The following SESTD1 variants were observed in gnomAD, a reference collection of about 807,000 sequenced individuals.
SESTD1 encodes SEC14 domain and spectrin repeat-containing protein 1.
A neutral mutation model predicts 101.7 loss-of-function variants in SESTD1; 43 were observed. The observed-to-expected ratio is 0.42, with a 90% CI of 0.33 to 0.55. The LOEUF is 0.55. Among genes scored for constraint, SESTD1 ranks in the 20% least tolerant of loss-of-function variants. The pLI is 0.07. For missense variants in SESTD1, 647 were observed against 815.1 expected, an observed-to-expected ratio of 0.79 and a Z score of 2.51; for synonymous variants, 283 against 286.8, an observed-to-expected ratio of 0.99 and a Z score of 0.13.
chr2:179,178,869 T>C (rs2046058671), intron 3 of SESTD1, among the ~76,000 whole-genome samples: 1 of 152,248 alleles, frequency 6.6e-6, no homozygotes, highest in Non-Finnish European at 1.5e-5. Flanking sequence ...AATACATTTA[T>C]ATTTCAAAGC....
chr2:179,116,301 C>G (rs1408232770), intron 15 of SESTD1, among the ~76,000 whole-genome samples: 1 of 145,730 alleles, frequency 6.9e-6, no homozygotes, highest in East Asian at 1.9e-4. Context: ...CACTTTTCAC[C>G]ACAAAAAAGT....
At chr2:179,241,074 A>G (rs2047145951) in intron 1 of SESTD1, among the ~76,000 whole-genome samples, 1 of 152,184 alleles carries the variant, frequency 6.6e-6, no homozygotes, top group African/African-American at 2.4e-5. Context: ...TACAATAATT[A>G]AATAAAAGTG....
intron 5 of SESTD1, among the ~76,000 whole-genome samples, chr2:179,171,482 T>A (rs571346176): frequency 6.6e-6 from 1 of 152,300 alleles, no homozygotes; most frequent in African/African-American, 2.4e-5. Context: ...GAGTTAGTCT[T>A]TGTATTCTTC....
intron 10 of SESTD1, among the ~76,000 whole-genome samples, chr2:179,127,573 A>G (rs2044904324): frequency 1.3e-5 from 2 of 152,334 alleles, no homozygotes; most frequent in Middle Eastern, 6.8e-3. Flanking sequence ...TTGGGTTATC[A>G]CAACTGAGGA....
intron 1 of SESTD1, among the ~76,000 whole-genome samples, chr2:179,208,889 T>C (rs2046619384): frequency 7.4e-6 from 1 of 134,852 alleles, no homozygotes; most frequent in Non-Finnish European, 1.6e-5. Context: ...TAATGTTGAA[T>C]ATAAATGGCC....
At chr2:179,154,080 CAAAA>C (rs748598701) in intron 5 of SESTD1, among the ~76,000 whole-genome samples, 1 of 60,748 alleles carries the variant, frequency 1.6e-5, no homozygotes. Context: ...CCAATCTCTA[CAAAA>C]AAAAAAAAAA....
chr2:179,202,062 T>C (rs1457076729), intron 1 of SESTD1, among the ~76,000 whole-genome samples: 1 of 132,602 alleles, frequency 7.5e-6, no homozygotes, highest in Non-Finnish European at 1.6e-5. Context: ...AAAGGAATTT[T>C]GTATGTGATT....
chr2:179,180,385 T>C (rs2046087643), intron 3 of SESTD1, among the ~76,000 whole-genome samples: 1 of 152,170 alleles, frequency 6.6e-6, no homozygotes. Flanking sequence ...CTTAGCTAGC[T>C]ACACTGCTGG....
chr2:179,221,776 G>A (rs879787421), intron 1 of SESTD1, among the ~76,000 whole-genome samples: 5 of 151,724 alleles, frequency 3.3e-5, no homozygotes, highest in Non-Finnish European at 5.9e-5. Context: ...AAATTAGCCA[G>A]GCATGGTGGT....
intron 1 of SESTD1, among the ~76,000 whole-genome samples, chr2:179,238,312 A>T (rs1373948463): frequency 6.6e-6 from 1 of 152,174 alleles, no homozygotes; most frequent in African/African-American, 2.4e-5. Context: ...TTGTTCAAGG[A>T]TCAACTGTAC....
intron 10 of SESTD1, among the ~76,000 whole-genome samples, chr2:179,131,292 A>G (rs554605063): frequency 6.6e-6 from 1 of 152,344 alleles, no homozygotes; most frequent in African/African-American, 2.4e-5. Context: ...AAATTCTAGT[A>G]AAGATGAGAT....
chr2:179,126,833 A>C (rs2044884981), intron 10 of SESTD1, among the ~76,000 whole-genome samples: 1 of 152,020 alleles, frequency 6.6e-6, no homozygotes, highest in Non-Finnish European at 1.5e-5. Flanking sequence ...CTGCCTTAGT[A>C]GCTGCTAAGG....
At chr2:179,141,001 A>C (rs2105438417) in intron 9 of SESTD1, among the ~76,000 whole-genome samples, 1 of 152,276 alleles carries the variant, frequency 6.6e-6, no homozygotes, top group South Asian at 2.1e-4. Flanking sequence ...TTCAGTTTAA[A>C]GCACTCTTCT....
intron 1 of SESTD1, among the ~76,000 whole-genome samples, chr2:179,242,365 A>G (rs1033661821): frequency 1.3e-5 from 2 of 152,208 alleles, no homozygotes; most frequent in African/African-American, 4.8e-5. Context: ...GGAAGAATCA[A>G]CATCATTAAA....
chr2:179,138,766 G>A (rs1347315926), intron 9 of SESTD1, among the ~76,000 whole-genome samples: 1 of 151,074 alleles, frequency 6.6e-6, no homozygotes, highest in Non-Finnish European at 1.5e-5. Flanking sequence ...AGCTACTCAG[G>A]AGGCTGAGGT....
chr2:179,123,664 T>C, intron 12 of SESTD1, 51 bp downstream of exon 12: 1 of 1,091,664 alleles, frequency 9.2e-7, no homozygotes, highest in Middle Eastern at 2.1e-4. Context: ...ATGGTAATGA[T>C]ATTTAAAAAA....
At chr2:179,185,721 G>GTATATTATATACAATATATAATATAT in intron 2 of SESTD1, among the ~76,000 whole-genome samples, 2 of 111,566 alleles carry the variant, frequency 1.8e-5, no homozygotes, top group African/African-American at 7.7e-5. Context: ...ATATAATATA[G>GTATATTATATACAATATATAATATAT]CATATTATAT....
intron 2 of SESTD1, among the ~76,000 whole-genome samples, chr2:179,191,463 C>T (rs1244446622): frequency 1.3e-5 from 2 of 152,062 alleles, no homozygotes; most frequent in African/African-American, 4.8e-5. Context: ...GGCTGAAAAA[C>T]TACCTACTGG....
At chr2:179,197,819 T>C (rs1046237885) in intron 1 of SESTD1, among the ~76,000 whole-genome samples, 1 of 151,742 alleles carries the variant, frequency 6.6e-6, no homozygotes, top group Non-Finnish European at 1.5e-5. Flanking sequence ...GCGCTAAACA[T>C]GGAAAGGAAC....
Sources: gnomAD v4.1 joint callset for allele counts (sites outside exome capture counted in the v4.1 genomes callset) on GRCh38, gnomAD v4.1.1 for gene constraint, MANE v1.5 for transcripts, NCBI Gene and HGNC (gene_info 2026-07-23, HGNC 2026-07-21) for gene names.